Variants in SH3GL2 observed in about 807,000 individuals in gnomAD.
SH3GL2 encodes SH3 domain containing GRB2 like 2, endophilin A1.
In SH3GL2, 24 loss-of-function variants were observed where a neutral mutation model predicts 46.0. The ratio of observed to expected loss-of-function variants is 0.52; its 90% CI spans 0.38 to 0.73. The LOEUF is 0.73. Ranked by LOEUF, SH3GL2 falls within the 30% of genes least tolerant of loss-of-function variation. The pLI, the probability that SH3GL2 is intolerant of heterozygous loss-of-function variation, is 0.00. For missense variants in SH3GL2, 413 were observed against 424.2 expected, an observed-to-expected ratio of 0.97 and a Z score of 0.23; for synonymous variants, 196 against 147.1, an observed-to-expected ratio of 1.33 and a Z score of -2.40.
chr9:17,677,000 G>C (rs1020727887), intron 1 of SH3GL2, among the ~76,000 whole-genome samples: 3 of 152,082 alleles, frequency 2.0e-5, no homozygotes, highest in African/African-American at 7.2e-5. Context: ...AGACACTGCA[G>C]AACTAGGTCT....
chr9:17,669,745 C>T (rs930568749), intron 1 of SH3GL2, among the ~76,000 whole-genome samples: 1 of 152,102 alleles, frequency 6.6e-6, no homozygotes, highest in African/African-American at 2.4e-5. Context: ...ATAAGTCTTC[C>T]ACATTCCTCT....
At chr9:17,591,277 T>C (rs756299730) in intron 1 of SH3GL2, 6 of 152,176 alleles carry the variant, frequency 3.9e-5, no homozygotes, top group Non-Finnish European at 7.3e-5. Context: ...TATACTGATA[T>C]TTTGTGATAT....
At chr9:17,672,193 G>C (rs558357999) in intron 1 of SH3GL2, among the ~76,000 whole-genome samples, 145 of 152,200 alleles carry the variant, frequency 9.5e-4, no homozygotes, top group African/African-American at 3.4e-3. Flanking sequence ...TAATTAAAAA[G>C]GTGCATACAG....
intron 1 of SH3GL2, among the ~76,000 whole-genome samples, chr9:17,637,813 G>T (rs1391215718): frequency 6.6e-6 from 1 of 152,160 alleles, no homozygotes; most frequent in African/African-American, 2.4e-5. Flanking sequence ...GATAAACTCA[G>T]TCAGACACTT....
intron 1 of SH3GL2, among the ~76,000 whole-genome samples, chr9:17,743,194 T>C (rs1822578339): frequency 6.6e-6 from 1 of 152,194 alleles, no homozygotes; most frequent in Non-Finnish European, 1.5e-5. Context: ...AAAAAATGTT[T>C]GCCATACTCC....
intron 1 of SH3GL2, among the ~76,000 whole-genome samples, chr9:17,605,971 CTATGCTTGG>C (rs1280082426): frequency 6.6e-6 from 1 of 152,096 alleles, no homozygotes; most frequent in African/African-American, 2.4e-5. Flanking sequence ...CTCTGACACT[CTATGCTTGG>C]TATGCTTGAG....
chr9:17,784,094 G>A (rs892941714), intron 3 of SH3GL2, among the ~76,000 whole-genome samples: 3 of 152,074 alleles, frequency 2.0e-5, no homozygotes, highest in Non-Finnish European at 4.4e-5. Flanking sequence ...GAACTTAAAA[G>A]CTAGTCTCTT....
chr9:17,790,501 A>C, intron 6 of SH3GL2: 1 of 672,532 alleles, frequency 1.5e-6, no homozygotes, highest in Non-Finnish European at 1.8e-6. Flanking sequence ...ACTTGTGTCC[A>C]CCTAACTCCT....
chr9:17,792,764 C>T (rs1181635332), intron 7 of SH3GL2, among the ~76,000 whole-genome samples: 1 of 152,168 alleles, frequency 6.6e-6, no homozygotes, highest in Non-Finnish European at 1.5e-5. Context: ...GAGATAGACT[C>T]CTTCCCACCT....
chr9:17,694,367 C>G (rs960363175), intron 1 of SH3GL2, among the ~76,000 whole-genome samples: 3 of 151,940 alleles, frequency 2.0e-5, no homozygotes, highest in Non-Finnish European at 2.9e-5. Context: ...GTGTTGATTG[C>G]CTATTTTTTA....
chr9:17,743,195 G>T (rs1255457283), intron 1 of SH3GL2, among the ~76,000 whole-genome samples: 1 of 152,144 alleles, frequency 6.6e-6, no homozygotes, highest in Admixed American at 6.6e-5. Context: ...AAAAATGTTT[G>T]CCATACTCCT....
intron 1 of SH3GL2, among the ~76,000 whole-genome samples, chr9:17,707,572 ACAGT>A (rs1313576093): frequency 1.3e-5 from 2 of 152,090 alleles, no homozygotes; most frequent in African/African-American, 4.8e-5. Context: ...GTGCTATGCA[ACAGT>A]CACTTTGTGA....
chr9:17,713,982 C>A lies in SH3GL2; in HGVS notation c.46-33084C>A, dbSNP rs116775922. Among the ~76,000 whole-genome samples the A allele has an allele frequency of 5.9e-3, 898 of 151,728 alleles. 11 individuals carry two copies. The highest frequency in any genetic ancestry group is 0.021 in the African/African-American group (851 of 41,476). Reference sequence around the variant, plus strand: ...ATTATTGAGAAAAGGGTACTGAAATCCTCAACTTTAATTTAGGATTTTGTC... The same window carrying A: ...ATTATTGAGAAAAGGGTACTGAAATACTCAACTTTAATTTAGGATTTTGTC... On this transcript the variant is annotated intron_variant, in intron 1 of 8. Coordinates refer to ENST00000380607, the MANE Select transcript of SH3GL2 (RefSeq NM_003026.5).
chr9:17,712,972 G>T (rs1237700482), intron 1 of SH3GL2, among the ~76,000 whole-genome samples: 1 of 151,266 alleles, frequency 6.6e-6, no homozygotes, highest in Admixed American at 6.6e-5. Flanking sequence ...TAGAGAAAAA[G>T]CATTCAGTCT....
At chr9:17,723,085 T>G (rs1821935696) in intron 1 of SH3GL2, among the ~76,000 whole-genome samples, 1 of 151,972 alleles carries the variant, frequency 6.6e-6, no homozygotes, top group African/African-American at 2.4e-5. Context: ...AACAGAAAAA[T>G]GTTTTCCAGA....
At chr9:17,725,800 G>C (rs1320963563) in intron 1 of SH3GL2, among the ~76,000 whole-genome samples, 1 of 152,178 alleles carries the variant, frequency 6.6e-6, no homozygotes, top group Non-Finnish European at 1.5e-5. Flanking sequence ...GCCAAGAATT[G>C]TGCTTCCACA....
intron 3 of SH3GL2, among the ~76,000 whole-genome samples, chr9:17,764,670 C>G (rs1823270981): frequency 7.2e-6 from 1 of 139,008 alleles, no homozygotes; most frequent in African/African-American, 2.7e-5. Flanking sequence ...GATTACTGCT[C>G]CCGGGTGCTT....
chr9:17,787,617 A>G (rs2131187516), intron 5 of SH3GL2, 104 bp downstream of exon 5: 1 of 859,526 alleles, frequency 1.2e-6, no homozygotes, highest in South Asian at 1.7e-5. Context: ...GTGTGTTGTC[A>G]GCTCTGGGCA....
intron 1 of SH3GL2, among the ~76,000 whole-genome samples, chr9:17,657,456 GAGGC>G (rs1820113458): frequency 2.0e-5 from 3 of 152,162 alleles, no homozygotes; most frequent in Admixed American, 2.0e-4. Context: ...ACCACAAACA[GAGGC>G]AGGCTGATGA....
Sources: allele counts gnomAD v4.1 joint callset (sites outside exome capture counted in the v4.1 genomes callset), GRCh38; gene constraint gnomAD v4.1.1; transcripts MANE v1.5; gene names NCBI Gene and HGNC (gene_info 2026-07-23, HGNC 2026-07-21).